BCOR: variants seen among roughly 807,000 people sequenced by gnomAD.
BCOR encodes BCL6 corepressor.
In BCOR, 10 loss-of-function variants were observed where a neutral mutation model predicts 86.7. The observed-to-expected ratio is 0.12, with a 90% CI of 0.07 to 0.20. The LOEUF (loss-of-function observed/expected upper bound fraction) is 0.20, where lower values mean the gene tolerates loss of function less well. BCOR is among the 10% of genes least tolerant of loss of function. BCOR has a pLI of 1.00. For missense variants in BCOR, 1,259 were observed against 1,452.1 expected (o/e 0.87, Z 2.16); for synonymous variants, 611 against 609.0 (o/e 1.00, Z -0.05).
At chrX:40,144,690 G>A (rs182485243) in intron 1 of BCOR, among the ~76,000 whole-genome samples, 1 of 111,418 alleles carries the variant, frequency 9.0e-6, no homozygotes, top group Non-Finnish European at 1.9e-5. Flanking sequence ...CACGACTTGC[G>A]CCTGTTTAGC....
rs144209870 is a variant in BCOR at position 40,104,020 on chromosome X, G to C, written c.-40-26051C>G. On this transcript the variant is annotated intron_variant, in intron 1 of 14. Coordinates refer to the BCOR transcript ENST00000342274. ...TCCACTGACAACCCACCCCCCATTG[G>C]CGGGGCTCCCCAGGAAAAGTCGCAC... Among the ~76,000 whole-genome samples, 733 of 111,678 alleles carry C rather than the reference G, an allele frequency of 6.6e-3. 4 individuals are homozygous for C. The highest frequency in any genetic ancestry group is 0.023 in the African/African-American group (713 of 30,712).
In BCOR at chrX:40,062,131, G is replaced by T. The variant is rs909148608; in HGVS notation, c.4428+8C>A. 8 of 1,197,475 alleles carry T rather than the reference G, an allele frequency of 6.7e-6. No homozygotes were observed. Among genetic ancestry groups the T allele is most frequent in the Admixed American group, 2.3e-5 (1 of 44,355 alleles). The stretch of plus-strand genomic sequence containing the variant: ...CTGCAGCCCCAGGGAGCGCCCACAG[G>T]GACACACCTCATAGCCAAGCCTGGC... On this transcript the variant is annotated splice_region_variant and intron_variant, in intron 10 of 14. Transcript: ENST00000378444.
At chrX:40,066,921 A>AAC (rs1935228319) in intron 6 of BCOR, among the ~76,000 whole-genome samples, 2 of 39,373 alleles carry the variant, frequency 5.1e-5, no homozygotes, top group Admixed American at 3.4e-4. Context: ...TCCCAGAGAC[A>AAC]CCCCCCCCCC....
chrX:40,169,332 T>C (rs899240956), intron 1 of BCOR, among the ~76,000 whole-genome samples: 2 of 111,840 alleles, frequency 1.8e-5, no homozygotes, highest in African/African-American at 3.3e-5. Context: ...AGTACAACGC[T>C]ATCGACTGGA....
At chrX:40,106,890 C>T (rs1937199069) in intron 1 of BCOR, among the ~76,000 whole-genome samples, 1 of 110,683 alleles carries the variant, frequency 9.0e-6, no homozygotes, top group Non-Finnish European at 1.9e-5. Flanking sequence ...AGCCGCCGGC[C>T]TCCCGACGCT....
intron 1 of BCOR, among the ~76,000 whole-genome samples, chrX:40,109,724 G>GCGTGGGGGGCGGGGAGGC (rs1177569185): frequency 1.2e-4 from 13 of 113,038 alleles, no homozygotes; most frequent in Non-Finnish European, 2.3e-4. Context: ...TCCCCGGAGG[G>GCGTGGGGGGCGGGGAGGC]CGTGGGGGGC....
intron 1 of BCOR, among the ~76,000 whole-genome samples, chrX:40,129,844 C>T (rs1222891676): frequency 9.0e-6 from 1 of 110,707 alleles, no homozygotes; most frequent in East Asian, 2.8e-4. Flanking sequence ...AGTTCGAGAC[C>T]AGCCTGGACA....
At chrX:40,156,496 G>A (rs1031492302) in intron 1 of BCOR, among the ~76,000 whole-genome samples, 1 of 113,073 alleles carries the variant, frequency 8.8e-6, no homozygotes, top group African/African-American at 3.2e-5. Context: ...ACTGGAGCCC[G>A]AGGGTCGGGT....
intron 6 of BCOR, among the ~76,000 whole-genome samples, chrX:40,066,876 C>T: frequency 9.3e-6 from 1 of 107,643 alleles, no homozygotes; most frequent in Non-Finnish European, 1.9e-5. Context: ...AGTGTGGGGC[C>T]CCACCCAGAA....
chrX:40,064,315 G>A lies in BCOR; in HGVS notation c.3502+21C>T, dbSNP rs374814366. On this transcript the variant is annotated intron_variant, in intron 7 of 14. Coordinates refer to ENST00000378444, the MANE Select transcript of BCOR (RefSeq NM_001123385.2). ...GCAAAGGCCCACCCCCCGGCAGGCG[G>A]GCGAAGCAGACAGGGCTCACCTTTA... The A allele has an allele frequency of 7.4e-6, 9 of 1,210,911 alleles. No homozygotes were observed. The African/African-American group carries it at 1.6e-4, about 21-fold the overall frequency.
At chrX:40,114,849 CTT>C (rs763376608) in intron 1 of BCOR, among the ~76,000 whole-genome samples, 8 of 85,106 alleles carry the variant, frequency 9.4e-5, no homozygotes, top group Admixed American at 1.6e-4. Context: ...TTACCATTCA[CTT>C]TTTTTTTTTT....
chrX:40,054,000 G>C lies in BCOR; in HGVS notation c.4862C>G (p.Pro1621Arg), dbSNP rs1453693848. Reference sequence around the variant, plus strand: ...ATCATCATCCTGGTCTTCTGGTCCTGGGGGGTTGGCTAAAACATCATAGCC... The same window carrying C: ...ATCATCATCCTGGTCTTCTGGTCCTCGGGGGTTGGCTAAAACATCATAGCC... The part of the protein sequence containing the change: ...ESGYDVLANP[P>R]GPEDQDDDDD... The change falls in exon 14 of 15, where the codon CCA (proline) becomes CGA (arginine). Residue 1621 changes from proline (P) to arginine (R), a missense_variant. By Grantham distance (103) the Pro-to-Arg change is moderately radical. Transcript: ENST00000378444. 8.3e-7 allele frequency: 1 copy of C among 1,209,152 alleles called. No individual in the cohort carries two copies. The highest frequency in any genetic ancestry group is 1.8e-5 in the African/African-American group (1 of 57,137).
intron 1 of BCOR, among the ~76,000 whole-genome samples, chrX:40,175,601 T>A (rs1938729719): frequency 8.9e-6 from 1 of 112,943 alleles, no homozygotes. Context: ...CTCGCCAACC[T>A]GCAGGAGGGA....
intron 1 of BCOR, among the ~76,000 whole-genome samples, chrX:40,160,179 G>T (rs1938382939): frequency 9.1e-6 from 1 of 109,850 alleles, no homozygotes; most frequent in Admixed American, 9.5e-5. Flanking sequence ...GCAGTGGCGC[G>T]ATCTCGGCTC....
At chrX:40,106,703 G>A (rs1937194634) in intron 1 of BCOR, among the ~76,000 whole-genome samples, 1 of 113,078 alleles carries the variant, frequency 8.8e-6, no homozygotes, top group South Asian at 3.6e-4. Context: ...TGTTTTCGGG[G>A]TCTATAGAAA....
In BCOR at chrX:40,139,465, ATATATAT is replaced by A. The variant is rs1479407082; in HGVS notation, c.-41+37535_-41+37541del. Reference sequence around the variant, plus strand: ...ATATATAATATATATACATATATATATATATATATATATATATATATATATATATATA... The same window carrying A: ...ATATATAATATATATACATATATATAATATATATATATATATATATATATA... On this transcript the variant is annotated intron_variant, in intron 1 of 14. Transcript: ENST00000342274. Among the ~76,000 whole-genome samples, 2 of 3,147 alleles carry A rather than the reference ATATATAT, an allele frequency of 6.4e-4. 1 individual carries two copies. Among genetic ancestry groups the A allele is most frequent in the South Asian group, 0.029 (2 of 70 alleles). 2.7% of individuals were successfully genotyped at this position (3,147 alleles called of 115,157 possible). A position where few individuals can be genotyped will look rare whatever the true frequency, so the allele number is the denominator to read the frequency against.
At chrX:40,064,247 G>A (rs1480611827) in intron 7 of BCOR, 89 bp downstream of exon 7, 23 of 1,157,805 alleles carry the variant, frequency 2.0e-5, no homozygotes, top group East Asian at 6.0e-5. Context: ...CGGGGGCAGC[G>A]CGCCGCACAT....
At chrX:40,132,862 C>T (rs1377517251) in intron 1 of BCOR, among the ~76,000 whole-genome samples, 3 of 112,373 alleles carry the variant, frequency 2.7e-5, no homozygotes, top group Non-Finnish European at 5.6e-5. Context: ...GCGTCAGAGT[C>T]AGCAGTGGCG....
intron 1 of BCOR, among the ~76,000 whole-genome samples, chrX:40,168,014 C>A (rs1047722407): frequency 8.9e-6 from 1 of 112,502 alleles, no homozygotes; most frequent in African/African-American, 3.2e-5. Flanking sequence ...CCTCCCTTTC[C>A]CCTCCCCCAC....
Sources: gnomAD v4.1 joint callset for allele counts (sites outside exome capture counted in the v4.1 genomes callset) on GRCh38, gnomAD v4.1.1 for gene constraint, MANE v1.5 for transcripts, NCBI Gene and HGNC (gene_info 2026-07-23, HGNC 2026-07-21) for gene names.